The following GLI3 variants were observed in gnomAD, a reference collection of about 807,000 sequenced individuals.
GLI3 encodes the protein GLI family zinc finger 3.
In GLI3, 20 loss-of-function variants were observed where a neutral mutation model predicts 100.8. The ratio of observed to expected loss-of-function variants is 0.20; its 90% confidence interval spans 0.14 to 0.29. The LOEUF is 0.29. GLI3 is among the 10% of genes least tolerant of loss of function. The pLI is 1.00. For synonymous variants in GLI3, 938 were observed against 860.5 expected (o/e 1.09, Z -1.58); for missense variants, 2,040 against 2,128.5 (o/e 0.96, Z 0.82).
At chr7:42,071,344 G>A (rs565586793) in intron 4 of GLI3, among the ~76,000 whole-genome samples, 104 of 152,054 alleles carry the variant, frequency 6.8e-4, no homozygotes, top group African/African-American at 1.8e-3. Flanking sequence ...TGGAGGAGGC[G>A]GGGGGAAACT....
intron 3 of GLI3, among the ~76,000 whole-genome samples, chr7:42,125,232 A>G (rs1394646131): frequency 1.3e-5 from 2 of 152,212 alleles, no homozygotes; most frequent in Non-Finnish European, 1.5e-5. Flanking sequence ...AAAGCCTGCC[A>G]TGGTGCCTTG....
intron 2 of GLI3, among the ~76,000 whole-genome samples, chr7:42,175,132 G>A (rs796470083): frequency 2.0e-5 from 3 of 152,256 alleles, no homozygotes; most frequent in African/African-American, 7.2e-5. Flanking sequence ...CACCTATGTG[G>A]TACTTGGTGT....
In GLI3 at chr7:42,132,041, T is replaced by A. The variant is rs114982812; in HGVS notation, c.367+16185A>T. ...GGTTGGAGAAGGAAGGATGGACCAC[T>A]GTGGCTTTCCATTCCAGGGTCTTCA... On this transcript the variant is annotated intron_variant, in intron 3 of 14. Coordinates refer to ENST00000395925, the MANE Select transcript of GLI3 (RefSeq NM_000168.6). Among the ~76,000 whole-genome samples, 1,039 of 152,238 alleles carry A rather than the reference T, an allele frequency of 6.8e-3. 18 individuals are homozygous for A. The highest frequency in any genetic ancestry group is 0.024 in the African/African-American group (998 of 41,554).
At chr7:42,198,347 GAGGCAGTCA>G (rs1041694161) in intron 2 of GLI3, among the ~76,000 whole-genome samples, 8 of 152,224 alleles carry the variant, frequency 5.3e-5, no homozygotes, top group African/African-American at 1.9e-4. Context: ...GAGCTTCAGA[GAGGCAGTCA>G]AGTGTCTGAG....
At chr7:42,218,935 A>C (rs978419070) in intron 2 of GLI3, among the ~76,000 whole-genome samples, 1 of 152,212 alleles carries the variant, frequency 6.6e-6, no homozygotes, top group Non-Finnish European at 1.5e-5. Context: ...AAACACTTCA[A>C]ATTGAAAAGT....
At chr7:42,247,090 A>G (rs1467432182) in intron 1 of GLI3, among the ~76,000 whole-genome samples, 5 of 152,124 alleles carry the variant, frequency 3.3e-5, no homozygotes, top group Admixed American at 6.5e-5. Context: ...AGATGTTGGC[A>G]AGGTGTTTAG....
At chr7:42,140,248 C>T (rs1281737458) in intron 3 of GLI3, among the ~76,000 whole-genome samples, 1 of 152,214 alleles carries the variant, frequency 6.6e-6, no homozygotes, top group Non-Finnish European at 1.5e-5. Context: ...CTTGTATTGA[C>T]TTTTCGATGG....
intron 2 of GLI3, among the ~76,000 whole-genome samples, chr7:42,212,393 A>T (rs1788288983): frequency 6.6e-6 from 1 of 152,240 alleles, no homozygotes; most frequent in Admixed American, 6.5e-5. Context: ...CTTTGGAAAC[A>T]ATGTAAATAT....
chr7:42,184,829 A>G (rs1362133420), intron 2 of GLI3, among the ~76,000 whole-genome samples: 3 of 151,990 alleles, frequency 2.0e-5, no homozygotes, highest in Admixed American at 1.3e-4. Context: ...ACGACTTGGG[A>G]CAACTCTTAC....
At chr7:42,128,586 A>G (rs1786192505) in intron 3 of GLI3, among the ~76,000 whole-genome samples, 1 of 152,250 alleles carries the variant, frequency 6.6e-6, no homozygotes. Flanking sequence ...TTGTAAAATC[A>G]TAAGGAGAAT....
At chr7:42,219,448 T>G (rs1195163258) in intron 2 of GLI3, among the ~76,000 whole-genome samples, 2 of 152,164 alleles carry the variant, frequency 1.3e-5, no homozygotes, top group Non-Finnish European at 2.9e-5. Flanking sequence ...ATACAAGATC[T>G]ACAACACAGT....
At chr7:42,129,631 A>G (rs1786222524) in intron 3 of GLI3, among the ~76,000 whole-genome samples, 1 of 152,136 alleles carries the variant, frequency 6.6e-6, no homozygotes, top group African/African-American at 2.4e-5. Context: ...CAAGATGGTG[A>G]AACCCCGTCT....
chr7:41,965,063 G>A lies in GLI3; in HGVS notation c.4010C>T (p.Ala1337Val). The change falls in exon 15 of 15, where the codon GCA becomes GTA. Residue 1337 changes from alanine (A) to valine (V), a missense_variant. This residue lies in a region of GLI3 where 1,041 missense variants were observed against 924.0 expected (regional missense o/e 1.13). Coordinates refer to ENST00000395925, the MANE Select transcript of GLI3 (RefSeq NM_000168.6). The stretch of plus-strand genomic sequence containing the variant: ...AAGCATCTGCTGACCGGGGCGGCCT[G>A]CCCCCGGGTGCTGCATGCTGTCGCC... ...LLGDSMQHPG[A>V]GRPGQQMLGQ... 1 of 1,613,820 alleles carries A rather than the reference G, an allele frequency of 6.2e-7. No individual in the cohort carries two copies. The highest frequency in any genetic ancestry group is 8.5e-7 in the Non-Finnish European group (1 of 1,179,992).
chr7:42,096,697 G>C (rs929462440), intron 3 of GLI3, among the ~76,000 whole-genome samples: 1 of 152,198 alleles, frequency 6.6e-6, no homozygotes, highest in Non-Finnish European at 1.5e-5. Context: ...AGAGGGGGAA[G>C]GAAGAGATTC....
intron 4 of GLI3, among the ~76,000 whole-genome samples, chr7:42,060,097 G>A (rs1434690579): frequency 1.3e-5 from 2 of 152,256 alleles, no homozygotes; most frequent in Admixed American, 6.5e-5. Context: ...CGGCAGCACT[G>A]TACCATTTCC....
At chr7:42,183,613 G>A (rs1787661013) in intron 2 of GLI3, among the ~76,000 whole-genome samples, 1 of 152,140 alleles carries the variant, frequency 6.6e-6, no homozygotes, top group Non-Finnish European at 1.5e-5. Context: ...AAGGACCTGT[G>A]ACAGCCTGAA....
chr7:42,259,851 A>C (rs547356078), intron 1 of GLI3, among the ~76,000 whole-genome samples: 1 of 152,290 alleles, frequency 6.6e-6, no homozygotes, highest in African/African-American at 2.4e-5. Flanking sequence ...CAGCTAACAA[A>C]ATTTAATTTT....
intron 2 of GLI3, among the ~76,000 whole-genome samples, chr7:42,164,512 T>C (rs1260165770): frequency 6.9e-6 from 1 of 145,058 alleles, no homozygotes; most frequent in Non-Finnish European, 1.5e-5. Flanking sequence ...GATAAAGACC[T>C]TGTCTAAAAA....
intron 3 of GLI3, among the ~76,000 whole-genome samples, chr7:42,119,476 C>T (rs536179604): frequency 6.6e-6 from 1 of 152,270 alleles, no homozygotes; most frequent in Admixed American, 6.5e-5. Flanking sequence ...AATGTACACT[C>T]TCTTCTTAAA....
Sources: gnomAD v4.1 joint callset for allele counts (sites outside exome capture counted in the v4.1 genomes callset) on GRCh38, gnomAD v4.1.1 for gene constraint, gnomAD v4.1.1 regional missense constraint, MANE v1.5 for transcripts, NCBI Gene and HGNC (gene_info 2026-07-23, HGNC 2026-07-21) for gene names.